The following DYNC2H1 variants were observed in gnomAD, a reference collection of about 807,000 sequenced individuals.
DYNC2H1 encodes the protein dynein cytoplasmic 2 heavy chain 1.
Under a neutral mutation model 570.0 loss-of-function variants are expected in DYNC2H1, and 410 were observed. That is an observed-to-expected ratio of 0.72 (90% CI 0.66 to 0.78). DYNC2H1 has a LOEUF of 0.78. Ranked by LOEUF, DYNC2H1 falls within the 30% of genes least tolerant of loss-of-function variation. DYNC2H1 has a pLI of 0.00. For missense variants in DYNC2H1, 4,865 were observed against 5,046.4 expected, an observed-to-expected ratio of 0.96 and a Z score of 1.09; for synonymous variants, 1,688 against 1,677.6, an observed-to-expected ratio of 1.01 and a Z score of -0.15.
Position 103,154,473 on chromosome 11 carries a change from C to T in DYNC2H1, c.3325C>T (p.Leu1109=), listed in dbSNP as rs1257169419. ...TAGTGATGATTGCCATCATTTTAGA[C>T]TGGAAGAGCCTAATTTCTCCCTGGC... is the stretch of plus-strand genomic sequence containing the variant. ...KLVDDCHHFR[L]EEPNFSLASS... The change falls in exon 23 of 89, where the codon CTG becomes TTG. Residue 1109 remains leucine, a synonymous_variant. Coordinates refer to ENST00000375735, the MANE Select transcript of DYNC2H1 (RefSeq NM_001377.3). 1.3e-6 allele frequency: 2 copies of T among 1,545,024 alleles called. No individual in the cohort carries two copies. The highest frequency in any genetic ancestry group is 1.4e-5 in the African/African-American group (1 of 72,302).
intron 85 of DYNC2H1, among the ~76,000 whole-genome samples, chr11:103,436,691 G>C (rs531697034): frequency 2.6e-5 from 4 of 151,992 alleles, no homozygotes; most frequent in African/African-American, 9.7e-5. Context: ...GTTCACATTT[G>C]TCATCACTCA....
intron 85 of DYNC2H1, among the ~76,000 whole-genome samples, chr11:103,453,641 T>TATAC (rs1273661728): frequency 6.1e-4 from 57 of 93,218 alleles, no homozygotes; most frequent in African/African-American, 1.2e-3. Context: ...TATATATATA[T>TATAC]ACACACATTC....
chr11:103,280,510 A>G lies in DYNC2H1; in HGVS notation c.10761+97A>G. 2 of 1,062,776 alleles carry G rather than the reference A, an allele frequency of 1.9e-6. No individual in the cohort carries two copies. The highest frequency in any genetic ancestry group is 2.8e-6 in the Non-Finnish European group (2 of 716,406). 65.8% of individuals were successfully genotyped at this position (1,062,776 alleles called of 1,614,324 possible). On this transcript the variant is annotated intron_variant, in intron 71 of 88. Coordinates refer to ENST00000375735, the MANE Select transcript of DYNC2H1 (RefSeq NM_001377.3). The surrounding 1 kb of genome is among the most constrained non-coding windows in gnomAD (Gnocchi z 4.7). ...TTAGAAATTATTTAGGCTAGAAATTATATATCAACCTATTAATCTTTTACT... is the reference window on the plus strand; with the variant it reads ...TTAGAAATTATTTAGGCTAGAAATTGTATATCAACCTATTAATCTTTTACT...
chr11:103,297,007 T>C (rs903261222), intron 75 of DYNC2H1, among the ~76,000 whole-genome samples: 2 of 152,092 alleles, frequency 1.3e-5, no homozygotes, highest in African/African-American at 4.8e-5. Context: ...TTTTTTACTA[T>C]AGTTTTACCC....
intron 61 of DYNC2H1, among the ~76,000 whole-genome samples, chr11:103,234,658 C>T (rs1864153142): frequency 6.6e-6 from 1 of 151,886 alleles, no homozygotes. Flanking sequence ...TTCTCTTCCA[C>T]AGCAGCTTTT....
intron 83 of DYNC2H1, among the ~76,000 whole-genome samples, chr11:103,374,116 C>T (rs931083494): frequency 6.6e-6 from 1 of 152,074 alleles, no homozygotes; most frequent in African/African-American, 2.4e-5. Context: ...ATCGATTCAG[C>T]CACACTATAT....
chr11:103,241,670 G>GTTTT lies in DYNC2H1; in HGVS notation c.9820-2022_9820-2021insTTTT. 1 of 746,966 alleles carries GTTTT rather than the reference G, an allele frequency of 1.3e-6. No homozygotes were observed. The highest frequency in any genetic ancestry group is 2.2e-6 in the Non-Finnish European group (1 of 459,110). The allele number at this position is 746,966 out of a possible 1,614,324, so 46.3% of individuals were successfully genotyped here. ...TCAAAAACCTAGGTGCAGCACCATG[G>GTTTT]TAACACTTCACAGGCTATTTACTAA... On this transcript the variant is annotated intron_variant, in intron 63 of 88. Transcript: ENST00000375735. This position sits in a 1 kb window ranked among gnomAD's most constrained non-coding sequence, Gnocchi z 5.1.
chr11:103,313,247 A>G (rs1404860355), intron 79 of DYNC2H1, among the ~76,000 whole-genome samples: 1 of 152,076 alleles, frequency 6.6e-6, no homozygotes, highest in Non-Finnish European at 1.5e-5. Flanking sequence ...TCTATACTTC[A>G]GTCATGCTGG....
rs574001441 is a variant in DYNC2H1 at position 103,114,091 on chromosome 11, G to A, written c.367-12G>A. The A allele has an allele frequency of 6.2e-7, 1 of 1,607,436 alleles. No individual in the cohort carries two copies. The highest frequency in any genetic ancestry group is 1.3e-5 in the African/African-American group (1 of 74,982). On this transcript the variant is annotated splice_polypyrimidine_tract_variant and intron_variant, in intron 2 of 88. Transcript: ENST00000375735. ...TGATCAATCTTGGTTGCTCTTGTCT[G>A]TTTTTATTTAGGATCAGGAATGGAG...
chr11:103,388,182 G>A (rs1941974962), intron 83 of DYNC2H1, among the ~76,000 whole-genome samples: 1 of 151,694 alleles, frequency 6.6e-6, no homozygotes, highest in South Asian at 2.1e-4. Flanking sequence ...ATTTCCTTGA[G>A]CAGTGGTTTG....
At position 103,321,055 on chromosome 11, in the gene DYNC2H1, G is replaced by A. The variant is rs1010303079; in HGVS notation, c.11752G>A (p.Val3918Ile). ...TGCCAAAGATGTACAATGGGAATTT[G>A]TACATGGTTTACTTGAAAATGCTAT... is the stretch of plus-strand genomic sequence containing the variant. ...DGAKDVQWEF[V>I]HGLLENAIYG... Residue 3918 changes from valine (V) to isoleucine (I), a missense_variant, in exon 81 of 89, where the codon GTA (valine) becomes ATA (isoleucine). Val to Ile is a conservative substitution (Grantham distance 29). Transcript: ENST00000375735. 1 of 1,611,818 alleles carries A rather than the reference G, an allele frequency of 6.2e-7. No individual in the cohort carries two copies. The highest frequency in any genetic ancestry group is 8.5e-7 in the Non-Finnish European group (1 of 1,178,996).
intron 61 of DYNC2H1, 112 bp downstream of exon 61, chr11:103,234,272 A>G: frequency 8.0e-7 from 1 of 1,246,876 alleles, no homozygotes; most frequent in Admixed American, 2.7e-5. Context: ...CACCTGGCTC[A>G]GGATAAATAA....
chr11:103,437,661 A>G (rs1389642284), intron 85 of DYNC2H1, among the ~76,000 whole-genome samples: 1 of 152,172 alleles, frequency 6.6e-6, no homozygotes, highest in Non-Finnish European at 1.5e-5. Flanking sequence ...GAAAGGGAGA[A>G]AGTCTATTAG....
At position 103,222,146 on chromosome 11, in the gene DYNC2H1, A is replaced by G. The variant is rs1222813826; in HGVS notation, c.9224A>G (p.Asp3075Gly). The G allele has an allele frequency of 6.5e-7, 1 of 1,545,966 alleles. No individual in the cohort carries two copies. Among genetic ancestry groups the G allele is most frequent in the East Asian group, 2.3e-5 (1 of 44,194 alleles). Residue 3075 changes from aspartate to glycine, a missense_variant, in exon 58 of 89, where the codon GAT becomes GGT. Physicochemically the swap from Asp to Gly is moderately conservative, Grantham distance 94. This residue lies in a region of DYNC2H1 where 2,401 missense variants were observed against 2,454.6 expected (regional missense o/e 0.98). Coordinates refer to ENST00000375735, the MANE Select transcript of DYNC2H1 (RefSeq NM_001377.3). ...CTTTTTAAAAATAAAGGCTCTTTTGATCCAAAGGTAATTTTTAAGTTATAC... is the reference window on the plus strand; with the variant it reads ...CTTTTTAAAAATAAAGGCTCTTTTGGTCCAAAGGTAATTTTTAAGTTATAC... Reference protein sequence around the residue: ...ELLFKNKGSFDPKNAKRASTA... With the variant: ...ELLFKNKGSFGPKNAKRASTA...
chr11:103,214,774 A>G (rs914255514), intron 54 of DYNC2H1, among the ~76,000 whole-genome samples: 2 of 148,828 alleles, frequency 1.3e-5, no homozygotes, highest in South Asian at 4.2e-4. Flanking sequence ...ATCCATGAGC[A>G]TGAGATGTCT....
At chr11:103,286,512 G>C in intron 74 of DYNC2H1, 126 bp downstream of exon 74, 1 of 1,150,824 alleles carries the variant, frequency 8.7e-7, no homozygotes, top group Non-Finnish European at 1.2e-6. Context: ...TTGGGGAAGG[G>C]CTTGATCCTT....
chr11:103,280,318 A>C lies in DYNC2H1; in HGVS notation c.10696-30A>C, dbSNP rs1350928560. On this transcript the variant is annotated intron_variant, in intron 70 of 88. Transcript: ENST00000375735. The surrounding 1 kb of genome is among the most constrained non-coding windows in gnomAD (Gnocchi z 4.7). ...TTTTCCAAAGACACAAATTTTTAAA[A>C]GGCAAGATAATATCTGTTATTCTTT... The C allele has an allele frequency of 1.9e-6, 3 of 1,548,550 alleles. No homozygotes were observed. The highest frequency in any genetic ancestry group is 2.6e-6 in the Non-Finnish European group (3 of 1,145,006).
intron 84 of DYNC2H1, among the ~76,000 whole-genome samples, chr11:103,429,569 T>C (rs554393456): frequency 1.3e-5 from 2 of 152,316 alleles, no homozygotes; most frequent in South Asian, 4.1e-4. Flanking sequence ...CACAAATTAC[T>C]CATTGTCTGT....
At chr11:103,417,268 C>CGGGGTTTCACCATGTTGGTCAGG (rs1447795235) in intron 84 of DYNC2H1, among the ~76,000 whole-genome samples, 7 of 151,904 alleles carry the variant, frequency 4.6e-5, no homozygotes, top group African/African-American at 9.7e-5. Context: ...TTAGTTGAGA[C>CGGGGTTTCACCATGTTGGTCAGG]GGGGTTTCAC....
Sources: gnomAD v4.1 joint callset for allele counts (sites outside exome capture counted in the v4.1 genomes callset) on GRCh38, gnomAD v4.1.1 for gene constraint, gnomAD v4.1.1 regional missense constraint, Gnocchi (gnomAD v3.1) non-coding constraint, MANE v1.5 for transcripts, NCBI Gene and HGNC (gene_info 2026-07-23, HGNC 2026-07-21) for gene names.